NNMT: variants seen among roughly 807,000 people sequenced by gnomAD.
The protein encoded by NNMT is nicotinamide N-methyltransferase.
NNMT carries 10 observed loss-of-function variants against 11.7 expected under a neutral mutation model. That is an observed-to-expected ratio of 0.85 (90% CI 0.53 to 1.45). NNMT has a LOEUF of 1.45. NNMT is among the 40% of genes most tolerant of loss of function. The probability of loss-of-function intolerance (pLI) is 0.00; values close to 1 mark genes in which losing one functional copy is unlikely to be tolerated. For synonymous variants in NNMT, 143 were observed against 133.8 expected (o/e 1.07, Z -0.48); for missense variants, 381 against 319.4 (o/e 1.19, Z -1.47).
rs576723814 is a variant in NNMT at position 114,302,661 on chromosome 11, A to C, written c.362+4503A>C. On this transcript the variant is annotated intron_variant, in intron 2 of 2. Transcript: ENST00000299964. ...GAATAGTGTTAAGTATAGTCACATA[A>C]GTCAGTATACAGTTTTAAACAATGT... is the stretch of plus-strand genomic sequence containing the variant. Among the ~76,000 whole-genome samples, 6 of 152,294 alleles carry C rather than the reference A, an allele frequency of 3.9e-5. No homozygotes were observed. The South Asian group carries it at 1.2e-3, about 32-fold the overall frequency.
At position 114,298,111 on chromosome 11, in the gene NNMT, T is replaced by G. The variant is rs1160747772; in HGVS notation, c.315T>G (p.Phe105Leu). The G allele has an allele frequency of 1.9e-6, 3 of 1,614,060 alleles. No homozygotes were observed. The highest frequency in any genetic ancestry group is 2.5e-6 in the Non-Finnish European group (3 of 1,180,040). ...GGCTGAAGAAAGAGCCAGAGGCCTT[T>G]GACTGGTCCCCAGTGGTGACCTATG... ...EKWLKKEPEA[F>L]DWSPVVTYVC... is the part of the protein sequence containing the mutation. Residue 105 changes from phenylalanine to leucine, a missense_variant, in exon 2 of 3, where the codon TTT (phenylalanine) becomes TTG (leucine). Coordinates refer to ENST00000299964, the MANE Select transcript of NNMT (RefSeq NM_006169.3).
chr11:114,300,591 T>G (rs1237708988), intron 2 of NNMT, among the ~76,000 whole-genome samples: 1 of 55,882 alleles, frequency 1.8e-5, no homozygotes, highest in Non-Finnish European at 3.9e-5. Flanking sequence ...TTTTGTTTAC[T>G]TTCTCTGTCA....
Position 114,312,173 on chromosome 11 carries a change from T to G in NNMT, c.491T>G (p.Leu164Arg). 1 of 1,614,230 alleles carries G rather than the reference T, an allele frequency of 6.2e-7. No individual in the cohort carries two copies. Among genetic ancestry groups the G allele is most frequent in the South Asian group, 1.1e-5 (1 of 91,090 alleles). ...LPPADCVLST[L>R]CLDAACPDLP... is the part of the protein sequence containing the mutation. Reference sequence around the variant, plus strand: ...CCGGCTGACTGCGTGCTCAGCACACTGTGTCTGGATGCCGCCTGCCCAGAC... The same window carrying G: ...CCGGCTGACTGCGTGCTCAGCACACGGTGTCTGGATGCCGCCTGCCCAGAC... Residue 164 changes from leucine to arginine, a missense_variant, in exon 3 of 3, where the codon CTG becomes CGG. By Grantham distance (102) the Leu-to-Arg change is moderately radical (BLOSUM62 -2). Transcript: ENST00000299964.
intron 2 of NNMT, among the ~76,000 whole-genome samples, chr11:114,272,252 CA>C (rs1477967548): frequency 6.6e-6 from 1 of 152,128 alleles, no homozygotes; most frequent in Non-Finnish European, 1.5e-5. Flanking sequence ...ACTTCAAATC[CA>C]GCCGGAATCT....
At chr11:114,299,435 T>C (rs1945416184) in intron 2 of NNMT, among the ~76,000 whole-genome samples, 1 of 152,240 alleles carries the variant, frequency 6.6e-6, no homozygotes, top group South Asian at 2.1e-4. Context: ...TACACCAAAG[T>C]GGCATAAACT....
In NNMT at chr11:114,308,156, C is replaced by T. The variant is rs117738048; in HGVS notation, c.363-3889C>T. ...ACATTTTGCTTTTCAGACTTTTCCT[C>T]CTAGAATATCATTCACCTGATTCGG... On this transcript the variant is annotated intron_variant, in intron 2 of 2. Transcript: ENST00000299964. Among the ~76,000 whole-genome samples, 57 of 152,258 alleles carry T rather than the reference C, an allele frequency of 3.7e-4. 1 individual carries two copies. In the East Asian group the frequency reaches 0.011, roughly 28 times the overall value.
At chr11:114,273,851 T>C (rs1231417465) in intron 2 of NNMT, among the ~76,000 whole-genome samples, 2 of 151,952 alleles carry the variant, frequency 1.3e-5, no homozygotes, top group Non-Finnish European at 2.9e-5. Flanking sequence ...AAAAAAAAGT[T>C]TGAGACCATG....
intron 2 of NNMT, among the ~76,000 whole-genome samples, chr11:114,289,449 A>C (rs1314473853): frequency 6.6e-6 from 1 of 152,134 alleles, no homozygotes; most frequent in South Asian, 2.1e-4. Flanking sequence ...TCCTCAGCTC[A>C]TTAACTTTCA....
At chr11:114,290,117 C>T (rs1302119061) in intron 2 of NNMT, among the ~76,000 whole-genome samples, 3 of 152,136 alleles carry the variant, frequency 2.0e-5, no homozygotes, top group African/African-American at 4.8e-5. Context: ...CTATGTTGAG[C>T]GTTAGGATTT....
chr11:114,273,749 A>G (rs1333155510), intron 2 of NNMT, among the ~76,000 whole-genome samples: 1 of 152,168 alleles, frequency 6.6e-6, no homozygotes, highest in African/African-American at 2.4e-5. Context: ...CTGAAGCAGG[A>G]GAATCACTTG....
chr11:114,280,943 G>A (rs897669551), intron 2 of NNMT, among the ~76,000 whole-genome samples: 9 of 152,240 alleles, frequency 5.9e-5, no homozygotes, highest in South Asian at 4.1e-4. Flanking sequence ...GAGGAAGGCC[G>A]CAGCCAGCGC....
rs746430392 is a variant in NNMT at position 114,312,262 on chromosome 11, G to A, written c.580G>A (p.Val194Met). 25 of 1,614,108 alleles carry A rather than the reference G, an allele frequency of 1.5e-5. No homozygotes were observed. In the Admixed American group the frequency reaches 2.7e-4, roughly 17 times the overall value. The part of the protein sequence containing the change: ...GSLLKPGGFL[V>M]IMDALKSSYY... ...CCTACTGAAGCCAGGGGGCTTCCTG[G>A]TGATCATGGATGCGCTCAAGAGCAG... is the stretch of plus-strand genomic sequence containing the variant. The change falls in exon 3 of 3, where the codon GTG becomes ATG. Residue 194 changes from valine (V) to methionine (M), a missense_variant. Physicochemically the swap from Val to Met is conservative, Grantham distance 21. Coordinates refer to ENST00000299964, the MANE Select transcript of NNMT (RefSeq NM_006169.3).
chr11:114,265,581 G>A (rs1165324196), intron 2 of NNMT, among the ~76,000 whole-genome samples: 6 of 152,184 alleles, frequency 3.9e-5, no homozygotes, highest in Non-Finnish European at 8.8e-5. Flanking sequence ...TTTGAAGTGA[G>A]TCCTGGGATT....
chr11:114,266,827 G>A (rs956938355), intron 2 of NNMT, among the ~76,000 whole-genome samples: 5 of 152,176 alleles, frequency 3.3e-5, no homozygotes, highest in African/African-American at 7.2e-5. Flanking sequence ...GTGATGAGAC[G>A]GCATAAAGGC....
intron 2 of NNMT, among the ~76,000 whole-genome samples, chr11:114,267,215 A>T (rs1330606176): frequency 1.3e-5 from 2 of 152,242 alleles, no homozygotes; most frequent in Admixed American, 6.5e-5. Context: ...CAGTTCACCA[A>T]GATCACGTCA....
intron 2 of NNMT, among the ~76,000 whole-genome samples, chr11:114,265,888 G>A (rs1037302280): frequency 6.6e-6 from 1 of 151,910 alleles, no homozygotes; most frequent in Non-Finnish European, 1.5e-5. Context: ...CAACTTCCTG[G>A]TGGTTACCTT....
Position 114,276,140 on chromosome 11 carries a change from A to G in NNMT, c.-130+13206A>G, listed in dbSNP as rs543244528. On this transcript the variant is annotated intron_variant, in intron 2 of 4. Transcript: ENST00000535401. ...ACCCACCCTGGGTACCTGCCAAGGC[A>G]CCTTGTGCCAACTTGGGACCCTGCT... Among the ~76,000 whole-genome samples the G allele has an allele frequency of 4.2e-5, 5 of 119,386 alleles. No homozygotes were observed. The East Asian group carries it at 1.5e-3, about 36-fold the overall frequency. The allele number at this position is 119,386 out of a possible 152,430, so 78.3% of individuals were successfully genotyped here.
Position 114,298,072 on chromosome 11 carries a change from G to A in NNMT, c.276G>A (p.Gln92=). ...VVTDYSDQNL[Q]ELEKWLKKEP... Reference sequence around the variant, plus strand: ...CTGACTACTCAGACCAGAACCTGCAGGAGCTGGAGAAGTGGCTGAAGAAAG... The same window carrying A: ...CTGACTACTCAGACCAGAACCTGCAAGAGCTGGAGAAGTGGCTGAAGAAAG... The change falls in exon 2 of 3, where the codon CAG becomes CAA. Residue 92 remains glutamine, a synonymous_variant. Transcript: ENST00000299964. The A allele has an allele frequency of 6.2e-7, 1 of 1,614,164 alleles. No homozygotes were observed. Among genetic ancestry groups the A allele is most frequent in the Non-Finnish European group, 8.5e-7 (1 of 1,180,032 alleles).
intron 2 of NNMT, among the ~76,000 whole-genome samples, chr11:114,281,572 G>A (rs1945263649): frequency 6.6e-6 from 1 of 152,144 alleles, no homozygotes; most frequent in Non-Finnish European, 1.5e-5. Context: ...CAGACAGTGT[G>A]AGCAAGAAAT....
Sources: allele counts gnomAD v4.1 joint callset (sites outside exome capture counted in the v4.1 genomes callset), GRCh38; gene constraint gnomAD v4.1.1; transcripts MANE v1.5; gene names NCBI Gene and HGNC (gene_info 2026-07-23, HGNC 2026-07-21).